TENM3: variants seen among roughly 807,000 people sequenced by gnomAD.
TENM3 encodes the protein teneurin transmembrane protein 3.
A neutral mutation model predicts 255.1 loss-of-function variants in TENM3; 63 were observed. The ratio of observed to expected loss-of-function variants is 0.25; its 90% CI spans 0.20 to 0.30. The LOEUF (loss-of-function observed/expected upper bound fraction) is 0.30. Ranked by LOEUF, TENM3 falls within the 10% of genes least tolerant of loss-of-function variation. TENM3 has a pLI of 1.00. For synonymous variants in TENM3, 1,306 were observed against 1,322.3 expected (o/e 0.99, Z 0.27); for missense variants, 2,929 against 3,461.1 (o/e 0.85, Z 3.86).
intron 1 of TENM3, among the ~76,000 whole-genome samples, chr4:182,207,312 A>T (rs529953601): frequency 1.3e-5 from 2 of 152,312 alleles, no homozygotes; most frequent in South Asian, 4.1e-4. Context: ...AAAATGTAAA[A>T]CACTTATTTA....
chr4:181,857,551 C>CAAAAAAAAAAAAAAAAAAA, the TENM3 span, among the ~76,000 whole-genome samples: 37 of 104,732 alleles, frequency 3.5e-4, no homozygotes, highest in Non-Finnish European at 5.7e-4. Context: ...CCTGTCTCTA[C>CAAAAAAAAAAAAAAAAAAA]AAAAAAAAAA....
chr4:182,658,283 A>G (rs1001630256), intron 6 of TENM3, among the ~76,000 whole-genome samples: 9 of 152,132 alleles, frequency 5.9e-5, no homozygotes, highest in African/African-American at 2.2e-4. Flanking sequence ...TGTTTTGGCA[A>G]TGATGTCTCT....
At chr4:182,762,386 G>A (rs753395721) in intron 22 of TENM3, among the ~76,000 whole-genome samples, 46 of 152,150 alleles carry the variant, frequency 3.0e-4, no homozygotes, top group Non-Finnish European at 5.6e-4. Context: ...CCCTTACACG[G>A]TGATTGTCAG....
chr4:181,760,997 C>CACACACACAT, the TENM3 span, among the ~76,000 whole-genome samples: 12 of 132,680 alleles, frequency 9.0e-5, no homozygotes, highest in Admixed American at 1.7e-4. Context: ...CACACACACA[C>CACACACACAT]ACACACACAC....
chr4:182,049,671 C>A, the TENM3 span, among the ~76,000 whole-genome samples: 1 of 152,204 alleles, frequency 6.6e-6, no homozygotes, highest in African/African-American at 2.4e-5. Context: ...AAGTGGCACT[C>A]AAGGAGAGAT....
the TENM3 span, among the ~76,000 whole-genome samples, chr4:181,539,893 A>T: frequency 6.6e-6 from 1 of 152,192 alleles, no homozygotes. Context: ...TTACAAGTAC[A>T]ACTATTTGGG....
chr4:181,876,140 T>G, the TENM3 span, among the ~76,000 whole-genome samples: 1 of 152,222 alleles, frequency 6.6e-6, no homozygotes, highest in Admixed American at 6.5e-5. Context: ...ACCTAGTTAA[T>G]GCAGACTGAC....
chr4:181,551,838 ATGTGTG>A, the TENM3 span, among the ~76,000 whole-genome samples: 16,902 of 138,242 alleles, frequency 0.12, 1,231 homozygotes, highest in East Asian at 0.28. Context: ...ATATATGTAT[ATGTGTG>A]TGTGTGTGTG....
At chr4:182,527,254 T>G (rs949229868) in intron 3 of TENM3, among the ~76,000 whole-genome samples, 1 of 152,206 alleles carries the variant, frequency 6.6e-6, no homozygotes, top group Non-Finnish European at 1.5e-5. Flanking sequence ...TACTTTTGTT[T>G]TTTAACTTTC....
At chr4:182,536,879 A>C (rs1196329069) in intron 3 of TENM3, among the ~76,000 whole-genome samples, 1 of 152,130 alleles carries the variant, frequency 6.6e-6, no homozygotes, top group Non-Finnish European at 1.5e-5. Flanking sequence ...TGTCAGATGG[A>C]ATGTTTATTA....
chr4:181,904,884 C>T, the TENM3 span, among the ~76,000 whole-genome samples: 2 of 152,118 alleles, frequency 1.3e-5, no homozygotes, highest in East Asian at 1.9e-4. Flanking sequence ...TTTTCCCATG[C>T]TGTTCTCATG....
chr4:182,590,840 T>C (rs960272997), intron 3 of TENM3, among the ~76,000 whole-genome samples: 3 of 144,428 alleles, frequency 2.1e-5, no homozygotes, highest in Non-Finnish European at 4.6e-5. Context: ...AGAGCGAGAC[T>C]CCGTCTCAAA....
chr4:182,759,145 C>T (rs1762945792), intron 22 of TENM3, among the ~76,000 whole-genome samples: 1 of 152,100 alleles, frequency 6.6e-6, no homozygotes, highest in Middle Eastern at 3.2e-3. Context: ...CTTGAGTGTA[C>T]CATTAACATG....
At chr4:181,959,544 A>G in the TENM3 span, among the ~76,000 whole-genome samples, 1 of 152,260 alleles carries the variant, frequency 6.6e-6, no homozygotes, top group South Asian at 2.1e-4. Flanking sequence ...TAATAAATCC[A>G]GAGTTCCATT....
the TENM3 span, among the ~76,000 whole-genome samples, chr4:181,558,199 A>T: frequency 6.6e-6 from 1 of 152,218 alleles, no homozygotes; most frequent in South Asian, 2.1e-4. Flanking sequence ...TAAAAGCCTC[A>T]GACAAGAGTC....
intron 1 of TENM3, among the ~76,000 whole-genome samples, chr4:182,311,382 G>A (rs1306825284): frequency 1.3e-5 from 2 of 152,020 alleles, no homozygotes; most frequent in East Asian, 1.9e-4. Flanking sequence ...ATCCTGACAT[G>A]GTTTGTTAAA....
chr4:182,513,087 G>A (rs763333988), intron 3 of TENM3, among the ~76,000 whole-genome samples: 2 of 152,136 alleles, frequency 1.3e-5, no homozygotes, highest in Non-Finnish European at 2.9e-5. Context: ...CCATGGGAAG[G>A]AAGAAGTGAG....
intron 3 of TENM3, among the ~76,000 whole-genome samples, chr4:182,430,508 A>C (rs1218412204): frequency 2.6e-5 from 4 of 152,062 alleles, no homozygotes; most frequent in African/African-American, 9.7e-5. Context: ...AGATTGTGCC[A>C]CTGCACTCCA....
At chr4:182,230,854 A>ATATG (rs1374417797) in intron 1 of TENM3, among the ~76,000 whole-genome samples, 3 of 123,902 alleles carry the variant, frequency 2.4e-5, no homozygotes, top group East Asian at 4.8e-4. Context: ...ATATATATAT[A>ATATG]TATCCCCCTT....
Sources: gnomAD v4.1 joint callset for allele counts (sites outside exome capture counted in the v4.1 genomes callset) on GRCh38, gnomAD v4.1.1 for gene constraint, MANE v1.5 for transcripts, NCBI Gene and HGNC (gene_info 2026-07-23, HGNC 2026-07-21) for gene names.